Variants in TAF1C observed in about 807,000 individuals in gnomAD.
The protein encoded by TAF1C is TATA box-binding protein-associated factor RNA polymerase I subunit C.
A neutral mutation model predicts 70.5 loss-of-function variants in TAF1C; 79 were observed. The ratio of observed to expected loss-of-function variants is 1.12; its 90% CI spans 0.93 to 1.35. The LOEUF is 1.35. TAF1C is among the 40% of genes most tolerant of loss of function. The pLI is 0.00. For synonymous variants in TAF1C, 614 were observed against 491.1 expected (o/e 1.25, Z -3.31); for missense variants, 1,412 against 1,127.8 (o/e 1.25, Z -3.61).
chr16:84,183,759 G>T lies in TAF1C; in HGVS notation c.158C>A (p.Thr53Asn). ...TGCCGGCTCCCACAGCAGGTCCTTG[G>T]TCACATGCAGTGCCCCATTCTGAAG... Reference protein sequence around the residue: ...QNSENGALHVTKDLLWEPATP... With the variant: ...QNSENGALHVNKDLLWEPATP... The change falls in exon 3 of 15, where the codon ACC becomes AAC. Residue 53 changes from threonine (T) to asparagine (N), a missense_variant. Transcript: ENST00000566732. 1 of 1,612,596 alleles carries T rather than the reference G, an allele frequency of 6.2e-7. No homozygotes were observed. Among genetic ancestry groups the T allele is most frequent in the South Asian group, 1.1e-5 (1 of 90,934 alleles).
Position 84,179,340 on chromosome 16 carries a change from C to A in TAF1C, c.2133G>T (p.Gln711His), listed in dbSNP as rs374960656. The A allele has an allele frequency of 5.0e-6, 8 of 1,601,286 alleles. No individual in the cohort carries two copies. The highest frequency in any genetic ancestry group is 6.8e-6 in the Non-Finnish European group (8 of 1,179,284). ...GRGAAWWERQ[Q>H]GRTSEPGRQT... The stretch of plus-strand genomic sequence containing the variant: ...GTCTCCCGGGCTCCGAGGTCCTGCC[C>A]TGCTGCCTCTCCCACCAGGCAGCCC... The change falls in exon 15 of 15, where the codon CAG (glutamine) becomes CAT (histidine). Residue 711 changes from glutamine (Q) to histidine (H), a missense_variant. Physicochemically the swap from Gln to His is conservative, Grantham distance 24. Transcript: ENST00000566732.
At chr16:84,185,393 G>A (rs2089426011) in intron 1 of TAF1C, 2 of 158,098 alleles carry the variant, frequency 1.3e-5, no homozygotes, top group Admixed American at 6.4e-5. Flanking sequence ...GGCAGCCAGA[G>A]TGAGCGAGGT....
chr16:84,186,671 C>T (rs1355311602), intron 1 of TAF1C, among the ~76,000 whole-genome samples: 4 of 152,260 alleles, frequency 2.6e-5, no homozygotes, highest in Non-Finnish European at 5.9e-5. Context: ...GACAAGGCAG[C>T]CTCGACTTCC....
At position 84,184,909 on chromosome 16, in the gene TAF1C, A is replaced by T. The variant is rs1007945895; in HGVS notation, c.80T>A (p.Phe27Tyr). The T allele has an allele frequency of 1.2e-6, 2 of 1,613,550 alleles. No homozygotes were observed. Among genetic ancestry groups the T allele is most frequent in the Non-Finnish European group, 8.5e-7 (1 of 1,179,786 alleles). Residue 27 changes from phenylalanine to tyrosine, a missense_variant, in exon 2 of 15, where the codon TTC becomes TAC. Phe to Tyr is a conservative substitution (Grantham distance 22). Transcript: ENST00000566732. ...LGLSDVPDLSFMCSWRDALTL... is the reference protein window; with the variant it reads ...LGLSDVPDLSYMCSWRDALTL... ...CAGTGCGTCTCGCCAGCTGCACATG[A>T]AAGAGAGGTCAGGGACGTCGCTCAG...
rs1265755277 is a variant in TAF1C at position 84,182,182 on chromosome 16, T to TG, written c.721+19dup. 6.2e-7 allele frequency: 1 copy of TG among 1,600,354 alleles called. No homozygotes were observed. The highest frequency in any genetic ancestry group is 2.2e-5 in the East Asian group (1 of 44,620). Reference sequence around the variant, plus strand: ...CAGAGGCGAGCCCGCTGGAATCTCCTGTCTCGCAAGAAAGGATACGCAGCC... The same window carrying TG: ...CAGAGGCGAGCCCGCTGGAATCTCCTGGTCTCGCAAGAAAGGATACGCAGCC... On this transcript the variant is annotated intron_variant, in intron 7 of 14. Transcript: ENST00000566732. This position sits in a 1 kb window ranked among gnomAD's most constrained non-coding sequence, Gnocchi z 5.0.
chr16:84,180,904 G>T, intron 12 of TAF1C, 139 bp downstream of exon 12: 1 of 1,438,186 alleles, frequency 7.0e-7, no homozygotes, highest in South Asian at 1.5e-5. Context: ...TGCGTGTTTG[G>T]GCCACAGATT....
chr16:84,179,228 G>A lies in TAF1C; in HGVS notation c.2245C>T (p.Pro749Ser). 1.3e-6 allele frequency: 2 copies of A among 1,584,596 alleles called. No individual in the cohort carries two copies. The highest frequency in any genetic ancestry group is 1.8e-5 in the Admixed American group (1 of 57,048). The change falls in exon 15 of 15, where the codon CCT becomes TCT. Residue 749 changes from proline to serine, a missense_variant. Physicochemically the swap from Pro to Ser is moderately conservative, Grantham distance 74. Coordinates refer to ENST00000566732, the MANE Select transcript of TAF1C (RefSeq NM_001243156.2). ...HVDPSEDTSS[P>S]HSPEWPPADA... Reference sequence around the variant, plus strand: ...GCAGGTGGCCACTCAGGGCTATGAGGGGAGCTGGTGTCCTCTGAGGGATCC... The same window carrying A: ...GCAGGTGGCCACTCAGGGCTATGAGAGGAGCTGGTGTCCTCTGAGGGATCC...
intron 12 of TAF1C, chr16:84,180,548 G>C: frequency 4.8e-6 from 3 of 621,986 alleles, no homozygotes; most frequent in Non-Finnish European, 7.9e-6. Context: ...CCGACAGTCC[G>C]GTGGACAGAC....
rs2089064580 is a variant in TAF1C at position 84,180,205 on chromosome 16, C to G, written c.1448G>C (p.Gly483Ala). 2 of 1,539,578 alleles carry G rather than the reference C, an allele frequency of 1.3e-6. No homozygotes were observed. The highest frequency in any genetic ancestry group is 1.7e-6 in the Non-Finnish European group (2 of 1,150,688). Residue 483 changes from glycine (G) to alanine (A), a missense_variant, in exon 13 of 15, where the codon GGC (glycine) becomes GCC (alanine). Physicochemically the swap from Gly to Ala is moderately conservative, Grantham distance 60. Transcript: ENST00000566732. The part of the protein sequence containing the change: ...PSCVQPLLLG[G>A]QGGQLQLLHL... ...CAGCAGCTGCAGCTGCCCACCCTGG[C>G]CTCCGAGGAGCAGGGGCTGCACGCA...
rs2151296203 is a variant in TAF1C, at chr16:84,179,814, G to T, written c.1659C>A (p.Pro553=). 1 of 1,609,432 alleles carries T rather than the reference G, an allele frequency of 6.2e-7. No homozygotes were observed. Among genetic ancestry groups the T allele is most frequent in the South Asian group, 1.1e-5 (1 of 90,856 alleles). ...AAVVPPLPSA[P]TPGLVLFQLS... ...GCTGGAAGAGCACCAGGCCTGGTGT[G>T]GGCGCTGAGGGCAAGGGCGGGACGA... Residue 553 remains proline, a synonymous_variant, in exon 15 of 15, where the codon CCC becomes CCA. Coordinates refer to ENST00000566732, the MANE Select transcript of TAF1C (RefSeq NM_001243156.2).
chr16:84,179,803 AGGCCTGGTGTG>A lies in TAF1C; in HGVS notation c.1659_1669del (p.Thr554GlyfsTer37). ...CGCCGCCGAGAGCTGGAAGAGCACC[AGGCCTGGTGTG>A]GGCGCTGAGGGCAAGGGCGGGACGA... On this transcript the variant is annotated frameshift_variant, in exon 15 of 15. Coordinates refer to ENST00000566732, the MANE Select transcript of TAF1C (RefSeq NM_001243156.2). LOFTEE classifies it low-confidence loss of function (END_TRUNC). 1.9e-6 allele frequency: 3 copies of A among 1,610,054 alleles called. No individual in the cohort carries two copies. The highest frequency in any genetic ancestry group is 2.5e-6 in the Non-Finnish European group (3 of 1,178,642).
Position 84,178,996 on chromosome 16 carries a change from G to A in TAF1C, c.2477C>T (p.Thr826Ile), listed in dbSNP as rs2088910450. ...SVRATRSQQH[T>I]PVLSSSQPLR... ...GGGCTGAGAGCTAGAGAGGACGGGT[G>A]TGTGCTGCTGGGAGCGAGTGGCCCG... Residue 826 changes from threonine to isoleucine, a missense_variant, in exon 15 of 15, where the codon ACA becomes ATA. By Grantham distance (89) the Thr-to-Ile change is moderately conservative (BLOSUM62 -1). Transcript: ENST00000566732. The A allele has an allele frequency of 6.2e-7, 1 of 1,610,828 alleles. No homozygotes were observed. Among genetic ancestry groups the A allele is most frequent in the Non-Finnish European group, 8.5e-7 (1 of 1,179,976 alleles).
intron 12 of TAF1C, 90 bp from the exon 13 acceptor site, chr16:84,180,434 G>T: frequency 7.5e-7 from 1 of 1,331,904 alleles, no homozygotes; most frequent in African/African-American, 1.5e-5. Flanking sequence ...CTCCAGGTGA[G>T]TGCAGAGCCC....
chr16:84,183,441 C>G lies in TAF1C; in HGVS notation c.287G>C (p.Arg96Pro), dbSNP rs533965692. ...LFRGGCRYRK[R>P]PRVVLDVTEQ... Reference sequence around the variant, plus strand: ...AGTCACATCCAGCACGACTCGGGGCCGCTTCCGATACCGGCACCCTCCGCG... The same window carrying G: ...AGTCACATCCAGCACGACTCGGGGCGGCTTCCGATACCGGCACCCTCCGCG... The change falls in exon 4 of 15, where the codon CGG (arginine) becomes CCG (proline). Residue 96 changes from arginine (R) to proline (P), a missense_variant. Transcript: ENST00000566732. 6.2e-7 allele frequency: 1 copy of G among 1,612,396 alleles called. No individual in the cohort carries two copies. The highest frequency in any genetic ancestry group is 1.7e-5 in the Admixed American group (1 of 59,788).
At position 84,178,837 on chromosome 16, in the gene TAF1C, G is replaced by T; in HGVS notation, c.*104C>A. 1.5e-6 allele frequency: 2 copies of T among 1,308,092 alleles called. No individual in the cohort carries two copies. The highest frequency in any genetic ancestry group is 2.1e-6 in the Non-Finnish European group (2 of 965,374). 81.0% of individuals were successfully genotyped at this position (1,308,092 alleles called of 1,614,324 possible). A position where few individuals can be genotyped will look rare whatever the true frequency, so the allele number is the denominator to read the frequency against. ...CTCATCATCACAGTGGCCTCCAGAA[G>T]GTGGCGAGCTCTGCTTCTCAAGTTT... On this transcript the variant is annotated 3_prime_UTR_variant, in exon 15 of 15. Coordinates refer to ENST00000566732, the MANE Select transcript of TAF1C (RefSeq NM_001243156.2).
intron 1 of TAF1C, 146 bp downstream of exon 1, chr16:84,186,755 A>G (rs2089509750): frequency 6.6e-6 from 1 of 152,172 alleles, no homozygotes; most frequent in East Asian, 1.9e-4. Flanking sequence ...ACTCAGTCGG[A>G]TCCGCAATAA....
In TAF1C at chr16:84,179,417, C is replaced by G. The variant is rs756016239; in HGVS notation, c.2056G>C (p.Gly686Arg). 2 of 1,597,620 alleles carry G rather than the reference C, an allele frequency of 1.3e-6. No homozygotes were observed. The highest frequency in any genetic ancestry group is 1.7e-5 in the Admixed American group (1 of 59,860). The change falls in exon 15 of 15, where the codon GGC becomes CGC. Residue 686 changes from glycine (G) to arginine (R), a missense_variant. Transcript: ENST00000566732. ...CGCTCACTGAGCTTGTCCTCTAGGCCTGACTCGGGTGCAGGGGGTGGCTCT... is the reference window on the plus strand; with the variant it reads ...CGCTCACTGAGCTTGTCCTCTAGGCGTGACTCGGGTGCAGGGGGTGGCTCT... ...AAEPPPAPESGLEDKLSERLG... is the reference protein window; with the variant it reads ...AAEPPPAPESRLEDKLSERLG...
chr16:84,179,662 G>C lies in TAF1C; in HGVS notation c.1811C>G (p.Ser604Cys), dbSNP rs1450303634. The C allele has an allele frequency of 1.9e-6, 3 of 1,612,598 alleles. No homozygotes were observed. In the African/African-American group the frequency reaches 4.0e-5, roughly 22 times the overall value. Residue 604 changes from serine to cysteine, a missense_variant, in exon 15 of 15, where the codon TCC becomes TGC. Ser to Cys is a moderately radical substitution (Grantham distance 112, BLOSUM62 -1). Coordinates refer to ENST00000566732, the MANE Select transcript of TAF1C (RefSeq NM_001243156.2). ...DCHAPTASWT[S>C]QDTAGCSQWL... The stretch of plus-strand genomic sequence containing the variant: ...CTGGCTGCAGCCGGCAGTGTCCTGG[G>C]AGGTCCAGGAAGCTGTGGGGGCATG...
Position 84,178,926 on chromosome 16 carries a change from GC to G in TAF1C, c.*14del, listed in dbSNP as rs776889961. On this transcript the variant is annotated 3_prime_UTR_variant, in exon 15 of 15. Transcript: ENST00000566732. Reference sequence around the variant, plus strand: ...AGGGGCTCTCTGGGGCTTGAGGGCAGCCCACCTTGTGTCCTCAGAAGCCCAT... The same window carrying G: ...AGGGGCTCTCTGGGGCTTGAGGGCAGCCACCTTGTGTCCTCAGAAGCCCAT... 18 of 1,572,434 alleles carry G rather than the reference GC, an allele frequency of 1.1e-5. No individual in the cohort carries two copies. Among genetic ancestry groups the G allele is most frequent in the Middle Eastern group, 3.6e-4 (2 of 5,486 alleles).
Sources: allele counts gnomAD v4.1 joint callset (sites outside exome capture counted in the v4.1 genomes callset), GRCh38; gene constraint gnomAD v4.1.1; non-coding constraint Gnocchi (gnomAD v3.1); transcripts MANE v1.5; gene names NCBI Gene and HGNC (gene_info 2026-07-23, HGNC 2026-07-21).